The following CSMD1 variants were observed in gnomAD, a reference collection of about 807,000 sequenced individuals.
The protein encoded by CSMD1 is CUB and sushi domain-containing protein 1.
CSMD1 carries 213 observed loss-of-function variants against 417.5 expected under a neutral mutation model. The ratio of observed to expected loss-of-function variants is 0.51; its 90% CI spans 0.46 to 0.57. The LOEUF (loss-of-function observed/expected upper bound fraction) is 0.57, where lower values mean the gene tolerates loss of function less well. Among genes scored for constraint, CSMD1 ranks in the 20% least tolerant of loss-of-function variants. CSMD1 has a pLI of 0.00. For missense variants in CSMD1, 6,923 were observed against 4,529.7 expected, an observed-to-expected ratio of 1.53 and a Z score of -15.17; for synonymous variants, 2,862 against 1,736.8, an observed-to-expected ratio of 1.65 and a Z score of -16.11.
At chr8:4,523,452 T>TA (rs1400074302) in intron 2 of CSMD1, among the ~76,000 whole-genome samples, 8 of 152,192 alleles carry the variant, frequency 5.3e-5, no homozygotes, top group Non-Finnish European at 8.8e-5. Flanking sequence ...AAACTCATAA[T>TA]AAAGTAAATA....
intron 3 of CSMD1, among the ~76,000 whole-genome samples, chr8:4,355,993 G>C (rs964595483): frequency 5.3e-5 from 8 of 152,018 alleles, no homozygotes; most frequent in Non-Finnish European, 1.2e-4. Context: ...ATGATATTGG[G>C]GTACATGTGG....
chr8:4,007,279 G>C (rs1481774959), intron 4 of CSMD1, among the ~76,000 whole-genome samples: 2 of 152,136 alleles, frequency 1.3e-5, no homozygotes, highest in Non-Finnish European at 2.9e-5. Context: ...GCCCTGAAAG[G>C]CATTATGTGA....
At chr8:4,808,623 C>T (rs1323730312) in intron 1 of CSMD1, among the ~76,000 whole-genome samples, 2 of 152,144 alleles carry the variant, frequency 1.3e-5, no homozygotes, top group East Asian at 1.9e-4. Flanking sequence ...TTAAATAGAA[C>T]ACAGCCAGCA....
intron 7 of CSMD1, among the ~76,000 whole-genome samples, chr8:3,694,578 TC>T (rs1307008396): frequency 2.0e-5 from 3 of 151,610 alleles, no homozygotes; most frequent in Non-Finnish European, 1.5e-5. Flanking sequence ...GGCCCGAGAC[TC>T]CCCACCCTGC....
intron 5 of CSMD1, among the ~76,000 whole-genome samples, chr8:3,924,788 A>G (rs948527179): frequency 6.6e-6 from 1 of 151,974 alleles, no homozygotes; most frequent in Non-Finnish European, 1.5e-5. Flanking sequence ...TCAACTCTCT[A>G]TTCGTGTTAT....
Position 4,303,174 on chromosome 8 carries a change from G to T in CSMD1, c.415+116779C>A, listed in dbSNP as rs13266475. On this transcript the variant is annotated intron_variant, in intron 3 of 69. Coordinates refer to ENST00000635120, the MANE Select transcript of CSMD1 (RefSeq NM_033225.6). The stretch of plus-strand genomic sequence containing the variant: ...TTCCCTCAAACATATAATAGGGCAT[G>T]AATATTGTGGGCTTGCAACTGAGAA... Among the ~76,000 whole-genome samples the T allele has an allele frequency of 4.4e-4, 67 of 151,946 alleles. 2 individuals are homozygous for T. In the South Asian group the frequency reaches 0.012, roughly 26 times the overall value.
chr8:3,790,119 G>C (rs1437602395), intron 5 of CSMD1, among the ~76,000 whole-genome samples: 1 of 152,172 alleles, frequency 6.6e-6, no homozygotes, highest in Non-Finnish European at 1.5e-5. Context: ...GCTGCTTATA[G>C]TTATTTTCGA....
chr8:4,064,663 G>A (rs867313568), intron 3 of CSMD1, among the ~76,000 whole-genome samples: 7 of 152,126 alleles, frequency 4.6e-5, no homozygotes, highest in African/African-American at 1.7e-4. Flanking sequence ...GGTACACTCT[G>A]TATTCTCCCC....
intron 2 of CSMD1, among the ~76,000 whole-genome samples, chr8:4,430,899 T>C (rs1797836181): frequency 6.6e-6 from 1 of 152,196 alleles, no homozygotes; most frequent in Non-Finnish European, 1.5e-5. Flanking sequence ...TTCTCCTGAA[T>C]GGTAAGGATC....
At chr8:4,836,645 G>A (rs1800511486) in intron 1 of CSMD1, among the ~76,000 whole-genome samples, 1 of 152,214 alleles carries the variant, frequency 6.6e-6, no homozygotes, top group African/African-American at 2.4e-5. Flanking sequence ...AAGGCAGTCA[G>A]TACTTAATGA....
chr8:3,863,387 A>G (rs1436321994), intron 5 of CSMD1, among the ~76,000 whole-genome samples: 3 of 132,144 alleles, frequency 2.3e-5, no homozygotes, highest in African/African-American at 9.4e-5. Context: ...CAGCAATGAT[A>G]CTCTGCTCAA....
At chr8:4,599,599 GTACTT>G (rs1437996439) in intron 2 of CSMD1, among the ~76,000 whole-genome samples, 1 of 151,772 alleles carries the variant, frequency 6.6e-6, no homozygotes, top group East Asian at 1.9e-4. Context: ...AATGTATACT[GTACTT>G]TACCACACTT....
intron 3 of CSMD1, among the ~76,000 whole-genome samples, chr8:4,366,159 A>C (rs1048554492): frequency 2.0e-5 from 3 of 151,960 alleles, no homozygotes; most frequent in Non-Finnish European, 2.9e-5. Context: ...ACTCCCGTTT[A>C]TGAGAACATG....
At chr8:4,343,161 T>C (rs80050700) in intron 3 of CSMD1, among the ~76,000 whole-genome samples, 18,608 of 152,172 alleles carry the variant, frequency 0.12, 1,464 homozygotes, top group Admixed American at 0.18. Flanking sequence ...GGGCAATGTA[T>C]TTGGTAAAAT....
At chr8:3,490,863 A>G (rs191994741) in intron 11 of CSMD1, among the ~76,000 whole-genome samples, 4 of 148,246 alleles carry the variant, frequency 2.7e-5, no homozygotes, top group African/African-American at 7.6e-5. Context: ...TTTTAAAAAT[A>G]AAAAGAAAAA....
intron 38 of CSMD1, among the ~76,000 whole-genome samples, chr8:3,158,262 T>C (rs1819657468): frequency 6.7e-6 from 1 of 150,008 alleles, no homozygotes; most frequent in East Asian, 2.0e-4. Context: ...GAGTACTGAA[T>C]TGGGCAAAAT....
At position 4,751,401 on chromosome 8, in the gene CSMD1, G is replaced by A. The variant is rs562749953; in HGVS notation, c.86-113843C>T. ...GCAAGACTCTGTCTCAGGGGGGGTG[G>A]CGGGGCAGGAAAAGAGAGCATCTCT... On this transcript the variant is annotated intron_variant, in intron 1 of 69. Transcript: ENST00000635120. Among the ~76,000 whole-genome samples, 36 of 152,082 alleles carry A rather than the reference G, an allele frequency of 2.4e-4. No individual in the cohort carries two copies. The South Asian group carries it at 6.9e-3, about 29-fold the overall frequency.
intron 21 of CSMD1, among the ~76,000 whole-genome samples, chr8:3,352,539 T>C (rs1030202163): frequency 4.6e-5 from 7 of 152,184 alleles, no homozygotes; most frequent in African/African-American, 1.7e-4. Flanking sequence ...GTGCATGTTC[T>C]TATTACTATT....
In CSMD1 at chr8:4,419,758, G is replaced by C. The variant is rs73658874; in HGVS notation, c.415+195C>G. 2.6e-3 allele frequency among the ~76,000 whole-genome samples: 402 copies of C among 152,286 alleles called. 7 individuals are homozygous for C. The highest frequency in any genetic ancestry group is 9.4e-3 in the African/African-American group (390 of 41,570). On this transcript the variant is annotated intron_variant, in intron 3 of 69. Coordinates refer to ENST00000635120, the MANE Select transcript of CSMD1 (RefSeq NM_033225.6). ...GTTCTAGTGATAAGAAGAAAATTGT[G>C]AACACGTTTTGGGCTGGAAAGTTTG...
Sources: allele counts gnomAD v4.1 joint callset (sites outside exome capture counted in the v4.1 genomes callset), GRCh38; gene constraint gnomAD v4.1.1; transcripts MANE v1.5; gene names NCBI Gene and HGNC (gene_info 2026-07-23, HGNC 2026-07-21).